Variants in GPR158 observed in about 807,000 individuals in gnomAD.
GPR158 encodes the protein metabotropic glycine receptor.
Under a neutral mutation model 78.2 loss-of-function variants are expected in GPR158, and 30 were observed. That is an observed-to-expected ratio of 0.38 (90% CI 0.29 to 0.52). The LOEUF is 0.52. Ranked by LOEUF, GPR158 falls within the 20% of genes least tolerant of loss-of-function variation. The pLI is 0.83. For synonymous variants in GPR158, 581 were observed against 591.1 expected, an observed-to-expected ratio of 0.98 and a Z score of 0.25; for missense variants, 1,463 against 1,523.5, an observed-to-expected ratio of 0.96 and a Z score of 0.66.
intron 7 of GPR158, among the ~76,000 whole-genome samples, chr10:25,576,584 G>A (rs4747531): frequency 0.31 from 47,808 of 151,962 alleles, 7,982 homozygotes; most frequent in Non-Finnish European, 0.37. Context: ...CCCTGAGATA[G>A]ATAGTGCAAA....
chr10:25,384,453 A>G (rs1334057), intron 2 of GPR158, among the ~76,000 whole-genome samples: 124,767 of 152,104 alleles, frequency 0.82, 52,240 homozygotes, highest in African/African-American at 0.87. Flanking sequence ...TTCTGTTCAC[A>G]GTGTTCAGAA....
At chr10:25,292,987 T>C (rs578197145) in intron 2 of GPR158, among the ~76,000 whole-genome samples, 3 of 152,252 alleles carry the variant, frequency 2.0e-5, no homozygotes, top group South Asian at 2.1e-4. Context: ...TTTCCCACCA[T>C]GAAATAAATG....
At chr10:25,437,634 CCAG>C (rs1835014710) in intron 4 of GPR158, among the ~76,000 whole-genome samples, 2 of 152,120 alleles carry the variant, frequency 1.3e-5, no homozygotes, top group South Asian at 2.1e-4. Flanking sequence ...GCAGTAAATT[CCAG>C]ATGGAAATGA....
intron 4 of GPR158, among the ~76,000 whole-genome samples, chr10:25,444,437 G>T (rs1046652756): frequency 1.3e-5 from 2 of 151,322 alleles, no homozygotes; most frequent in Non-Finnish European, 3.0e-5. Flanking sequence ...GTGTGTATGT[G>T]GTGTTTGAGT....
chr10:25,400,488 G>A (rs1834429164), intron 3 of GPR158, among the ~76,000 whole-genome samples: 1 of 152,186 alleles, frequency 6.6e-6, no homozygotes, highest in Non-Finnish European at 1.5e-5. Context: ...CAAATAACAT[G>A]ATTTGAAATT....
At chr10:25,240,437 A>G (rs759769557) in intron 2 of GPR158, among the ~76,000 whole-genome samples, 10 of 152,202 alleles carry the variant, frequency 6.6e-5, no homozygotes, top group South Asian at 6.2e-4. Flanking sequence ...TGAACCCAGG[A>G]GGCAGAAGTT....
chr10:25,208,328 A>G (rs1023473239), intron 1 of GPR158, among the ~76,000 whole-genome samples: 1 of 152,222 alleles, frequency 6.6e-6, no homozygotes, highest in Admixed American at 6.5e-5. Flanking sequence ...GAAAAAAGAA[A>G]ACTTTGTCTC....
At chr10:25,407,520 A>C (rs1834530445) in intron 3 of GPR158, among the ~76,000 whole-genome samples, 1 of 152,102 alleles carries the variant, frequency 6.6e-6, no homozygotes, top group African/African-American at 2.4e-5. Flanking sequence ...CACCACTTGG[A>C]TCTCAAGTAG....
At chr10:25,590,625 T>C (rs1177616685) in intron 8 of GPR158, among the ~76,000 whole-genome samples, 2 of 152,158 alleles carry the variant, frequency 1.3e-5, no homozygotes, top group Non-Finnish European at 2.9e-5. Context: ...AACATGCTTT[T>C]CTACAACCAG....
intron 1 of GPR158, among the ~76,000 whole-genome samples, chr10:25,178,137 C>A (rs189934828): frequency 5.9e-5 from 9 of 152,314 alleles, no homozygotes; most frequent in Admixed American, 5.9e-4. Flanking sequence ...TTAGCCCTTA[C>A]AACAACCTTA....
chr10:25,201,305 A>C (rs1852925149), intron 1 of GPR158, among the ~76,000 whole-genome samples: 1 of 152,000 alleles, frequency 6.6e-6, no homozygotes, highest in African/African-American at 2.4e-5. Context: ...GTCTTGACTT[A>C]GATGTTATTA....
intron 2 of GPR158, among the ~76,000 whole-genome samples, chr10:25,314,610 G>C (rs1409493820): frequency 6.8e-6 from 1 of 147,890 alleles, no homozygotes; most frequent in Non-Finnish European, 1.5e-5. Flanking sequence ...GCTTACTTTT[G>C]TTATTTCCTT....
intron 5 of GPR158, among the ~76,000 whole-genome samples, chr10:25,509,301 A>G (rs552791808): frequency 1.3e-5 from 2 of 152,278 alleles, no homozygotes; most frequent in East Asian, 3.9e-4. Flanking sequence ...TCCCCTGAAT[A>G]TCATGGACTT....
At chr10:25,515,583 T>C (rs541160549) in intron 5 of GPR158, among the ~76,000 whole-genome samples, 5,314 of 128,608 alleles carry the variant, frequency 0.041, 211 homozygotes, top group African/African-American at 0.11. Context: ...TGTGATCTCA[T>C]TGTTCAATTC....
intron 2 of GPR158, among the ~76,000 whole-genome samples, chr10:25,377,629 A>G (rs760040733): frequency 2.6e-5 from 4 of 152,042 alleles, no homozygotes. Flanking sequence ...AAATCATATA[A>G]TATGTTGTCT....
chr10:25,201,943 G>A (rs1852935001), intron 1 of GPR158, among the ~76,000 whole-genome samples: 1 of 151,908 alleles, frequency 6.6e-6, no homozygotes, highest in Non-Finnish European at 1.5e-5. Flanking sequence ...TTTTTTGTGT[G>A]TGCCTCTGCC....
At chr10:25,361,629 C>A (rs1404334705) in intron 2 of GPR158, among the ~76,000 whole-genome samples, 2 of 151,940 alleles carry the variant, frequency 1.3e-5, no homozygotes, top group African/African-American at 4.8e-5. Context: ...AGTAGCTATA[C>A]TAATGGATGT....
intron 4 of GPR158, among the ~76,000 whole-genome samples, chr10:25,464,918 A>T (rs1835402613): frequency 6.6e-6 from 1 of 152,178 alleles, no homozygotes; most frequent in African/African-American, 2.4e-5. Context: ...CTTTTCACCA[A>T]AAGCGTCTTC....
intron 3 of GPR158, among the ~76,000 whole-genome samples, chr10:25,408,387 T>C (rs1033264177): frequency 1.4e-4 from 21 of 152,204 alleles, no homozygotes; most frequent in Non-Finnish European, 2.6e-4. Context: ...TTGTCCATTG[T>C]TTTTGGTTGT....
Sources: gnomAD v4.1 joint callset for allele counts (sites outside exome capture counted in the v4.1 genomes callset) on GRCh38, gnomAD v4.1.1 for gene constraint, MANE v1.5 for transcripts, NCBI Gene and HGNC (gene_info 2026-07-23, HGNC 2026-07-21) for gene names.